The following C4BPA variants were observed in gnomAD, a reference collection of about 807,000 sequenced individuals.
The protein encoded by C4BPA is C4b-binding protein alpha chain.
C4BPA carries 31 observed loss-of-function variants against 63.7 expected under a neutral mutation model. The observed-to-expected ratio is 0.49, with a 90% CI of 0.37 to 0.66. C4BPA has a LOEUF of 0.66. Among genes scored for constraint, C4BPA ranks in the 30% least tolerant of loss-of-function variants. The probability of loss-of-function intolerance (pLI) is 0.00; values close to 1 mark genes in which losing one functional copy is unlikely to be tolerated. For missense variants in C4BPA, 572 were observed against 723.3 expected, an observed-to-expected ratio of 0.79 and a Z score of 2.40; for synonymous variants, 259 against 254.7, an observed-to-expected ratio of 1.02 and a Z score of -0.16.
intron 7 of C4BPA, among the ~76,000 whole-genome samples, chr1:207,128,654 A>G (rs1350122504): frequency 6.6e-6 from 1 of 152,232 alleles, no homozygotes; most frequent in Admixed American, 6.5e-5. Context: ...TCTGGCAGTT[A>G]AAAAGACTGT....
At position 207,105,574 on chromosome 1, in the gene C4BPA, G is replaced by A. The variant is rs867409381; in HGVS notation, c.-26+1144G>A. The stretch of plus-strand genomic sequence containing the variant: ...CTCCACCTCAAAAAAAAAAAAAAAA[G>A]AAAAAAAAAAGAGATTCTAGGAAGG... On this transcript the variant is annotated intron_variant, in intron 1 of 11. Coordinates refer to ENST00000367070, the MANE Select transcript of C4BPA (RefSeq NM_000715.4). 9.5e-3 allele frequency among the ~76,000 whole-genome samples: 1,240 copies of A among 129,938 alleles called. 8 individuals carry two copies. Among genetic ancestry groups the A allele is most frequent in the Middle Eastern group, 0.024 (6 of 254 alleles). 85.2% of individuals were successfully genotyped at this position (129,938 alleles called of 152,430 possible).
intron 9 of C4BPA, among the ~76,000 whole-genome samples, chr1:207,140,456 T>C (rs1685388878): frequency 6.6e-6 from 1 of 152,072 alleles, no homozygotes; most frequent in Admixed American, 6.5e-5. Context: ...ATAACTGCCA[T>C]AGTCCACTGG....
chr1:207,113,248 G>T, intron 2 of C4BPA, 81 bp downstream of exon 2: 1 of 1,453,732 alleles, frequency 6.9e-7, no homozygotes. Context: ...TAAAAAAAAT[G>T]ATGACTGAGC....
intron 4 of C4BPA, among the ~76,000 whole-genome samples, chr1:207,122,725 C>T (rs561091134): frequency 6.6e-6 from 1 of 152,202 alleles, no homozygotes; most frequent in East Asian, 1.9e-4. Context: ...AGGAGAGCAG[C>T]ACCATGCCCA....
chr1:207,131,614 G>C lies in C4BPA; in HGVS notation c.958G>C (p.Asp320His). 1 of 1,613,424 alleles carries C rather than the reference G, an allele frequency of 6.2e-7. No individual in the cohort carries two copies. The highest frequency in any genetic ancestry group is 8.5e-7 in the Non-Finnish European group (1 of 1,179,466). ...AACATATCCTAGGCCGACAAAAGAGGATGTGTATGTTGTTGGGACTGTGTT... is the reference window on the plus strand; with the variant it reads ...AACATATCCTAGGCCGACAAAAGAGCATGTGTATGTTGTTGGGACTGTGTT... ...WETYPRPTKE[D>H]VYVVGTVLRY... The change falls in exon 8 of 12, where the codon GAT becomes CAT. Residue 320 changes from aspartate to histidine, a missense_variant. Transcript: ENST00000367070.
At chr1:207,117,088 A>G (rs188883969) in intron 4 of C4BPA, among the ~76,000 whole-genome samples, 164 of 152,266 alleles carry the variant, frequency 1.1e-3, no homozygotes, top group Middle Eastern at 6.8e-3. Flanking sequence ...TCCTGACAGT[A>G]TGTATTTATT....
chr1:207,134,633 A>G (rs770865464), intron 9 of C4BPA, 41 bp downstream of exon 9: 94 of 1,408,460 alleles, frequency 6.7e-5, no homozygotes, highest in Non-Finnish European at 8.8e-5. Flanking sequence ...GAGTTTCTTC[A>G]TATCAGTGTG....
intron 7 of C4BPA, 84 bp downstream of exon 7, chr1:207,126,979 G>C: frequency 1.1e-6 from 1 of 898,996 alleles, no homozygotes; most frequent in Non-Finnish European, 1.7e-6. Context: ...TGCATGCATA[G>C]GCCTACTATG....
rs1572784282 is a variant in C4BPA at position 207,122,490 on chromosome 1, C to A, written c.429-1432C>A. On this transcript the variant is annotated intron_variant, in intron 4 of 11. Transcript: ENST00000367070. The stretch of plus-strand genomic sequence containing the variant: ...CTCTTAGTTGTTTTGGTAGAAATCA[C>A]TTGGTTTAATTTTTTGCTACTATGT... 3.3e-5 allele frequency among the ~76,000 whole-genome samples: 5 copies of A among 152,196 alleles called. 1 individual carries two copies. Among genetic ancestry groups the A allele is most frequent in the African/African-American group, 1.2e-4 (5 of 41,526 alleles).
chr1:207,134,343 A>T, intron 8 of C4BPA, 61 bp from the exon 9 acceptor site: 1 of 1,209,130 alleles, frequency 8.3e-7, no homozygotes, highest in Non-Finnish European at 1.2e-6. Flanking sequence ...TGAGGTTGTT[A>T]GCCATAGAAG....
intron 1 of C4BPA, among the ~76,000 whole-genome samples, chr1:207,105,676 A>C (rs1049228839): frequency 1.3e-5 from 2 of 152,180 alleles, no homozygotes; most frequent in African/African-American, 4.8e-5. Context: ...AAGGAAGAAG[A>C]CACTCAGCCC....
At chr1:207,126,944 C>T (rs373853470) in intron 7 of C4BPA, 49 bp downstream of exon 7, 4 of 1,453,432 alleles carry the variant, frequency 2.8e-6, no homozygotes, top group Non-Finnish European at 3.8e-6. Context: ...CTAAAGGTAC[C>T]CCGTACTGTT....
chr1:207,121,606 A>G (rs1684923283), intron 4 of C4BPA, among the ~76,000 whole-genome samples: 2 of 152,168 alleles, frequency 1.3e-5, no homozygotes, highest in South Asian at 4.2e-4. Flanking sequence ...TGTGAGTGAT[A>G]CTTATAGACT....
In C4BPA at chr1:207,126,750, A is replaced by G. The variant is rs763077038; in HGVS notation, c.744A>G (p.Glu248=). 2.7e-5 allele frequency: 44 copies of G among 1,610,760 alleles called. No homozygotes were observed. The highest frequency in any genetic ancestry group is 3.3e-5 in the Non-Finnish European group (39 of 1,178,312). The change falls in exon 7 of 12, where the codon GAA becomes GAG. Residue 248 remains glutamate, a synonymous_variant. Coordinates refer to ENST00000367070, the MANE Select transcript of C4BPA (RefSeq NM_000715.4). ...TCRKPDVSHG[E]MVSGFGPIYN... ...GCAAGCCAGATGTTTCACATGGGGA[A>G]ATGGTCTCTGGATTTGGACCCATCT...
intron 7 of C4BPA, among the ~76,000 whole-genome samples, chr1:207,129,642 A>G (rs777998092): frequency 5.9e-5 from 9 of 152,194 alleles, no homozygotes; most frequent in African/African-American, 1.7e-4. Context: ...CTTATCAGAA[A>G]GAATGGAGGC....
intron 8 of C4BPA, 147 bp from the exon 9 acceptor site, chr1:207,134,257 A>G (rs929376489): frequency 5.1e-6 from 3 of 587,684 alleles, no homozygotes; most frequent in Middle Eastern, 4.5e-4. Flanking sequence ...GGGAAAGAGC[A>G]GACTTGGAGT....
chr1:207,138,391 T>C (rs1431436972), intron 9 of C4BPA, among the ~76,000 whole-genome samples: 3 of 152,234 alleles, frequency 2.0e-5, no homozygotes, highest in African/African-American at 7.2e-5. Flanking sequence ...TGGGTGATTC[T>C]GGCTGCATGA....
In C4BPA at chr1:207,131,556, T is replaced by C. The variant is rs534602199; in HGVS notation, c.900T>C (p.Ile300=). The C allele has an allele frequency of 6.2e-6, 10 of 1,607,794 alleles. No individual in the cohort carries two copies. The East Asian group carries it at 2.0e-4, about 32-fold the overall frequency. Residue 300 remains isoleucine, a synonymous_variant, in exon 8 of 12, where the codon ATT becomes ATC. Coordinates refer to ENST00000367070, the MANE Select transcript of C4BPA (RefSeq NM_000715.4). The part of the protein sequence containing the change: ...SPPACEPNSC[I]NLPDIPHASW... ...TTCTTTCATGAGTAGATAGTTGTAT[T>C]AATTTACCAGACATTCCACATGCTT...
intron 1 of C4BPA, among the ~76,000 whole-genome samples, chr1:207,109,537 G>A (rs1327947750): frequency 6.6e-6 from 1 of 152,226 alleles, no homozygotes; most frequent in African/African-American, 2.4e-5. Context: ...GTTCCCATGT[G>A]GTAGAGCCAG....
Sources: allele counts gnomAD v4.1 joint callset (sites outside exome capture counted in the v4.1 genomes callset), GRCh38; gene constraint gnomAD v4.1.1; transcripts MANE v1.5; gene names NCBI Gene and HGNC (gene_info 2026-07-23, HGNC 2026-07-21).